Variants in PIBF1 observed in about 807,000 individuals in gnomAD.
PIBF1 encodes the protein progesterone immunomodulatory binding factor 1.
PIBF1 carries 90 observed loss-of-function variants against 112.5 expected under a neutral mutation model. That is an observed-to-expected ratio of 0.80 (90% confidence interval 0.67 to 0.95). The LOEUF (loss-of-function observed/expected upper bound fraction) is 0.95. Ranked by LOEUF, PIBF1 falls within the 40% of genes least tolerant of loss-of-function variation. The pLI is 0.00. For synonymous variants in PIBF1, 301 were observed against 288.6 expected (o/e 1.04, Z -0.44); for missense variants, 915 against 852.3 (o/e 1.07, Z -0.92).
Position 72,943,743 on chromosome 13 carries a change from G to C in PIBF1, c.1833+12476G>C, listed in dbSNP as rs1234254382. Among the ~76,000 whole-genome samples the C allele has an allele frequency of 2.0e-5, 3 of 152,186 alleles. No individual in the cohort carries two copies. In the East Asian group the frequency reaches 5.8e-4, roughly 29 times the overall value. ...CTCCTTTGTTGACTTCTTTTTCTCT[G>C]ATTATGTCTTAAGTGTTGACATGCC... On this transcript the variant is annotated intron_variant, in intron 14 of 17. Coordinates refer to ENST00000326291, the MANE Select transcript of PIBF1 (RefSeq NM_006346.4).
intron 16 of PIBF1, among the ~76,000 whole-genome samples, chr13:72,990,213 CA>C (rs34873893): frequency 0.23 from 12,063 of 52,814 alleles, 437 homozygotes; most frequent in Admixed American, 0.32. Flanking sequence ...GACTCTGTCT[CA>C]AAAAAAAAAA....
In PIBF1 at chr13:72,818,293, A is replaced by T. The variant is rs74905155; in HGVS notation, c.673-3556A>T. ...TTCTTCATTTGCAGACCACTGGGAC[A>T]TTCCTCTTTGTTTAATGAAAGCCTT... On this transcript the variant is annotated intron_variant, in intron 5 of 17. Transcript: ENST00000326291. 6.4e-3 allele frequency among the ~76,000 whole-genome samples: 975 copies of T among 152,224 alleles called. 13 individuals carry two copies. The highest frequency in any genetic ancestry group is 0.022 in the African/African-American group (905 of 41,552).
chr13:72,880,808 T>G (rs1175719287), intron 10 of PIBF1, among the ~76,000 whole-genome samples: 1 of 152,186 alleles, frequency 6.6e-6, no homozygotes, highest in East Asian at 1.9e-4. Flanking sequence ...TGTATTCAAC[T>G]TTTAGGTTCA....
chr13:72,923,268 G>A (rs919918748), intron 13 of PIBF1, among the ~76,000 whole-genome samples: 1 of 152,154 alleles, frequency 6.6e-6, no homozygotes, highest in Non-Finnish European at 1.5e-5. Flanking sequence ...AAAAATGTTA[G>A]GAAATTGTAT....
intron 16 of PIBF1, among the ~76,000 whole-genome samples, chr13:72,989,881 T>C (rs2043416549): frequency 6.6e-6 from 1 of 152,094 alleles, no homozygotes; most frequent in South Asian, 2.1e-4. Context: ...TCCCCTCCAT[T>C]TTTGTGTCAT....
chr13:72,843,990 C>T (rs1020490072), intron 9 of PIBF1, among the ~76,000 whole-genome samples: 9 of 152,152 alleles, frequency 5.9e-5, no homozygotes, highest in African/African-American at 2.2e-4. Context: ...ATTAACATCA[C>T]GTTTTAATTT....
chr13:72,804,449 T>G (rs1593925973), intron 5 of PIBF1, among the ~76,000 whole-genome samples: 1 of 152,306 alleles, frequency 6.6e-6, no homozygotes, highest in East Asian at 1.9e-4. Context: ...GGTAATCAAC[T>G]GGGAGAATTT....
chr13:72,784,450 GTAATAA>G (rs956181370), intron 2 of PIBF1, among the ~76,000 whole-genome samples: 5 of 146,302 alleles, frequency 3.4e-5, no homozygotes, highest in African/African-American at 7.6e-5. Flanking sequence ...TCAAAAACTA[GTAATAA>G]TAATAATAAT....
At chr13:72,986,381 C>T (rs1218706525) in intron 16 of PIBF1, among the ~76,000 whole-genome samples, 1 of 151,990 alleles carries the variant, frequency 6.6e-6, no homozygotes, top group Non-Finnish European at 1.5e-5. Context: ...TCTGAGCAAA[C>T]CAATCAGAAT....
At chr13:72,968,576 C>T (rs1463309728) in intron 15 of PIBF1, among the ~76,000 whole-genome samples, 2 of 152,106 alleles carry the variant, frequency 1.3e-5, no homozygotes, top group Non-Finnish European at 2.9e-5. Flanking sequence ...GCTGGGATTA[C>T]AGGCATGAGC....
chr13:72,796,613 A>G (rs1461597050), intron 4 of PIBF1, among the ~76,000 whole-genome samples: 1 of 149,562 alleles, frequency 6.7e-6, no homozygotes, highest in Non-Finnish European at 1.5e-5. Context: ...CAGATTAGTG[A>G]TGTCTGATAA....
chr13:72,944,627 AT>A (rs1001004390), intron 14 of PIBF1, among the ~76,000 whole-genome samples: 4 of 151,694 alleles, frequency 2.6e-5, no homozygotes, highest in African/African-American at 9.7e-5. Flanking sequence ...TTTTTGTTTT[AT>A]TTTTTTTAAT....
intron 12 of PIBF1, among the ~76,000 whole-genome samples, chr13:72,913,918 T>C (rs1020391650): frequency 6.6e-6 from 1 of 152,232 alleles, no homozygotes; most frequent in Non-Finnish European, 1.5e-5. Context: ...AAAATAGATT[T>C]ACCTGTACTA....
intron 2 of PIBF1, among the ~76,000 whole-genome samples, chr13:72,791,921 A>T (rs533705103): frequency 6.7e-6 from 1 of 150,062 alleles, no homozygotes; most frequent in Non-Finnish European, 1.5e-5. Flanking sequence ...GGCGTGAGCC[A>T]CCGCACCCAG....
intron 10 of PIBF1, among the ~76,000 whole-genome samples, chr13:72,863,526 TG>T (rs2038789964): frequency 2.7e-5 from 4 of 150,396 alleles, no homozygotes; most frequent in Admixed American, 2.0e-4. Flanking sequence ...GGCGTGGTGG[TG>T]GGCACCTGTA....
chr13:72,815,397 T>G (rs1433147606), intron 5 of PIBF1, among the ~76,000 whole-genome samples: 2 of 152,176 alleles, frequency 1.3e-5, no homozygotes, highest in Non-Finnish European at 2.9e-5. Flanking sequence ...TGTTACCTTG[T>G]GAATGAAATA....
At chr13:72,942,896 G>T (rs2042050093) in intron 14 of PIBF1, among the ~76,000 whole-genome samples, 1 of 152,120 alleles carries the variant, frequency 6.6e-6, no homozygotes, top group South Asian at 2.1e-4. Flanking sequence ...AGCTACTTGG[G>T]AGTCTGAGGC....
At position 72,782,142 on chromosome 13, in the gene PIBF1, T is replaced by A. The variant is rs2034280000; in HGVS notation, c.-255T>A. 1 of 305,796 alleles carries A rather than the reference T, an allele frequency of 3.3e-6. No individual in the cohort carries two copies. The allele number at this position is 305,796 out of a possible 1,614,324, so 18.9% of individuals were successfully genotyped here. On this transcript the variant is annotated 5_prime_UTR_variant, in exon 1 of 18. Transcript: ENST00000326291. ...CCTCGGAACATCCGGGAGAGTTGAC[T>A]TCCGGCGGCTTGTGGGAGTGCTGGT...
intron 13 of PIBF1, among the ~76,000 whole-genome samples, chr13:72,924,447 G>T (rs2041410347): frequency 6.6e-6 from 1 of 152,026 alleles, no homozygotes; most frequent in African/African-American, 2.4e-5. Flanking sequence ...TTATCGCTAT[G>T]CACATGTCTC....
Sources: gnomAD v4.1 joint callset for allele counts (sites outside exome capture counted in the v4.1 genomes callset) on GRCh38, gnomAD v4.1.1 for gene constraint, MANE v1.5 for transcripts, NCBI Gene and HGNC (gene_info 2026-07-23, HGNC 2026-07-21) for gene names.